The following ARL6IP5 variants were observed in gnomAD, a reference collection of about 807,000 sequenced individuals.
The protein encoded by ARL6IP5 is ARF like GTPase 6 interacting protein 5, also known as PRA1 family protein 3.
In ARL6IP5, 6 loss-of-function variants were observed where a neutral mutation model predicts 13.0. The ratio of observed to expected loss-of-function variants is 0.46; its 90% CI spans 0.25 to 0.91. The LOEUF (loss-of-function observed/expected upper bound fraction) is 0.91, where lower values mean the gene tolerates loss of function less well. ARL6IP5 is among the 40% of genes least tolerant of loss of function. The pLI, the probability that ARL6IP5 is intolerant of heterozygous loss-of-function variation, is 0.17. For missense variants in ARL6IP5, 208 were observed against 248.8 expected (o/e 0.84, Z 1.10); for synonymous variants, 91 against 91.9 (o/e 0.99, Z 0.06).
At chr3:69,086,424 C>G (rs956425842) in intron 1 of ARL6IP5, among the ~76,000 whole-genome samples, 1 of 152,200 alleles carries the variant, frequency 6.6e-6, no homozygotes, top group African/African-American at 2.4e-5. Flanking sequence ...TCACAGTTTC[C>G]GAGTATGGTT....
At position 69,084,962 on chromosome 3, in the gene ARL6IP5, T is replaced by G. The variant is rs923698208; in HGVS notation, c.-86T>G. On this transcript the variant is annotated 5_prime_UTR_variant, in exon 1 of 3. Transcript: ENST00000273258. The stretch of plus-strand genomic sequence containing the variant: ...GCAAAGCCGACCGAGACGGAGCCGC[T>G]GTCAACTCTCCAACTCAGCTCAGCT... 3.0e-5 allele frequency: 46 copies of G among 1,524,270 alleles called. No individual in the cohort carries two copies. Among genetic ancestry groups the G allele is most frequent in the African/African-American group, 6.9e-5 (5 of 72,688 alleles). 94.4% of individuals were successfully genotyped at this position (1,524,270 alleles called of 1,614,324 possible).
intron 1 of ARL6IP5, chr3:69,090,065 T>C: frequency 3.9e-6 from 1 of 255,728 alleles, no homozygotes; most frequent in Non-Finnish European, 7.9e-6. Context: ...GTTCTAGGCC[T>C]GTGGCTCCCA....
At chr3:69,098,240 C>CTTTT (rs34413250) in intron 1 of ARL6IP5, among the ~76,000 whole-genome samples, 1,169 of 71,796 alleles carry the variant, frequency 0.016, 34 homozygotes, top group East Asian at 0.028. Flanking sequence ...CCATACCTGG[C>CTTTT]TTTTTTTTTT....
At chr3:69,092,952 A>G (rs1364497505) in intron 1 of ARL6IP5, among the ~76,000 whole-genome samples, 1 of 152,082 alleles carries the variant, frequency 6.6e-6, no homozygotes, top group African/African-American at 2.4e-5. Context: ...GAAAGCAGTG[A>G]TGAGCATACA....
Position 69,105,031 on chromosome 3 carries a change from A to C in ARL6IP5, c.*395A>C, listed in dbSNP as rs2092318415. 1 of 618,512 alleles carries C rather than the reference A, an allele frequency of 1.6e-6. No individual in the cohort carries two copies. Among genetic ancestry groups the C allele is most frequent in the Non-Finnish European group, 2.9e-6 (1 of 350,308 alleles). 38.3% of individuals were successfully genotyped at this position (618,512 alleles called of 1,614,324 possible). A position where few individuals can be genotyped will look rare whatever the true frequency, so the allele number is the denominator to read the frequency against. ...GAGTAAATGAAAAGGCTGTTAAAGT[A>C]GATGACATCATGTGTTAGCCTGTTC... On this transcript the variant is annotated 3_prime_UTR_variant, in exon 3 of 3. Transcript: ENST00000273258.
chr3:69,091,709 A>G (rs1344797719), intron 1 of ARL6IP5, among the ~76,000 whole-genome samples: 1 of 83,734 alleles, frequency 1.2e-5, no homozygotes, highest in Non-Finnish European at 2.3e-5. Context: ...TTTGGTTGGT[A>G]GTTTCTGTTT....
intron 1 of ARL6IP5, among the ~76,000 whole-genome samples, chr3:69,100,792 A>G (rs2092302751): frequency 6.6e-6 from 1 of 151,962 alleles, no homozygotes; most frequent in Admixed American, 6.5e-5. Flanking sequence ...AATAAAAAAA[A>G]AAAAAAAAGA....
In ARL6IP5 at chr3:69,101,875, CGTG is replaced by C; in HGVS notation, c.220_222del (p.Val74del). The C allele has an allele frequency of 6.2e-7, 1 of 1,613,834 alleles. No individual in the cohort carries two copies. Among genetic ancestry groups the C allele is most frequent in the Non-Finnish European group, 8.5e-7 (1 of 1,179,910 alleles). On this transcript the variant is annotated inframe_deletion, in exon 2 of 3. Transcript: ENST00000273258. Reference sequence around the variant, plus strand: ...CCTTCAACATGATCCTGGGAGGAATCGTGGTGGTGCTGGTGTTCACAGGGTTTG... The same window carrying C: ...CCTTCAACATGATCCTGGGAGGAATCGTGGTGCTGGTGTTCACAGGGTTTG...
rs368928485 is a variant in ARL6IP5 at position 69,104,687 on chromosome 3, C to T, written c.*51C>T. 109 of 1,594,284 alleles carry T rather than the reference C, an allele frequency of 6.8e-5. No homozygotes were observed. In the African/African-American group the frequency reaches 8.7e-4, roughly 13 times the overall value. On this transcript the variant is annotated 3_prime_UTR_variant, in exon 3 of 3. Coordinates refer to ENST00000273258, the MANE Select transcript of ARL6IP5 (RefSeq NM_006407.4). ...CAGCAGAAATTGAGTTGCAGCTTGC[C>T]CTTGTCCAGACCTATGTTCTGCTTG...
chr3:69,087,144 C>T (rs557822066), intron 1 of ARL6IP5, among the ~76,000 whole-genome samples: 284 of 152,262 alleles, frequency 1.9e-3, no homozygotes, highest in African/African-American at 6.7e-3. Context: ...CCTCAGTCTC[C>T]CAAGTGACTG....
intron 1 of ARL6IP5, among the ~76,000 whole-genome samples, chr3:69,094,778 C>T (rs1420417788): frequency 6.6e-6 from 1 of 152,164 alleles, no homozygotes; most frequent in African/African-American, 2.4e-5. Flanking sequence ...GCCAACTTTG[C>T]AATTGGTGGC....
At chr3:69,092,572 G>A (rs1309272015) in intron 1 of ARL6IP5, among the ~76,000 whole-genome samples, 1 of 152,188 alleles carries the variant, frequency 6.6e-6, no homozygotes, top group Non-Finnish European at 1.5e-5. Flanking sequence ...CCAGGTTCAA[G>A]CGATTCTCCT....
rs545136452 is a variant in ARL6IP5 at position 69,103,559 on chromosome 3, G to A, written c.395-905G>A. 5.9e-5 allele frequency among the ~76,000 whole-genome samples: 9 copies of A among 152,274 alleles called. No homozygotes were observed. In the South Asian group the frequency reaches 1.0e-3, roughly 18 times the overall value. ...AGAAAGCTCGTCAACTATTTCTAAC[G>A]GGTGGTCTAGGTTGAGATCCTCCAG... On this transcript the variant is annotated intron_variant, in intron 2 of 2. Transcript: ENST00000273258.
At chr3:69,089,700 A>G in intron 1 of ARL6IP5, 1 of 422,474 alleles carries the variant, frequency 2.4e-6, no homozygotes, top group Non-Finnish European at 4.7e-6. Flanking sequence ...GTATGGCCTC[A>G]GAATCACCAA....
rs578205669 is a variant in ARL6IP5 at position 69,087,167 on chromosome 3, C to T, written c.176+1944C>T. On this transcript the variant is annotated intron_variant, in intron 1 of 2. Transcript: ENST00000273258. ...TCCCAAGTGACTGGGACCCCAGGTG[C>T]GTGCCACAAAGCCTGGCTAATTTTT... is the stretch of plus-strand genomic sequence containing the variant. 4.6e-5 allele frequency among the ~76,000 whole-genome samples: 7 copies of T among 152,102 alleles called. No homozygotes were observed. In the East Asian group the frequency reaches 1.4e-3, roughly 29 times the overall value.
rs549402201 is a variant in ARL6IP5, at chr3:69,101,316, C to CTTTTTTTTTTTTT, written c.177-514_177-502dup. Among the ~76,000 whole-genome samples, 89 of 119,444 alleles carry CTTTTTTTTTTTTT rather than the reference C, an allele frequency of 7.5e-4. 3 individuals carry two copies. The highest frequency in any genetic ancestry group is 3.8e-3 in the East Asian group (11 of 2,898). 78.4% of individuals were successfully genotyped at this position (119,444 alleles called of 152,430 possible). On this transcript the variant is annotated intron_variant, in intron 1 of 2. Transcript: ENST00000273258. The stretch of plus-strand genomic sequence containing the variant: ...TGCCTGGGTGTGATCTCAGCTCCAC[C>CTTTTTTTTTTTTT]TTTTTTTTTTTTTTTTTTTTTAATG...
chr3:69,102,134 T>A, intron 2 of ARL6IP5, 78 bp downstream of exon 2: 1 of 1,466,032 alleles, frequency 6.8e-7, no homozygotes, highest in Non-Finnish European at 9.5e-7. Flanking sequence ...CATAACCCAT[T>A]TCTTATATGT....
In ARL6IP5 at chr3:69,105,091, A is replaced by AT; in HGVS notation, c.*457dup. On this transcript the variant is annotated 3_prime_UTR_variant, in exon 3 of 3. Coordinates refer to ENST00000273258, the MANE Select transcript of ARL6IP5 (RefSeq NM_006407.4). ...TAGAATTGTAATGTGTGGGATATAA[A>AT]TTAGTTTTTATTATTCTCTTAAAAA... 2.0e-6 allele frequency: 1 copy of AT among 507,620 alleles called. No homozygotes were observed. Among genetic ancestry groups the AT allele is most frequent in the Non-Finnish European group, 3.5e-6 (1 of 288,656 alleles). The allele number at this position is 507,620 out of a possible 1,614,324, so 31.4% of individuals were successfully genotyped here.
At chr3:69,102,982 G>A (rs1217876063) in intron 2 of ARL6IP5, among the ~76,000 whole-genome samples, 2 of 152,176 alleles carry the variant, frequency 1.3e-5, no homozygotes, top group Non-Finnish European at 2.9e-5. Flanking sequence ...TAAAATTCTA[G>A]TATATTAAGT....
Sources: gnomAD v4.1 joint callset for allele counts (sites outside exome capture counted in the v4.1 genomes callset) on GRCh38, gnomAD v4.1.1 for gene constraint, MANE v1.5 for transcripts, NCBI Gene and HGNC (gene_info 2026-07-23, HGNC 2026-07-21) for gene names.